PCDH15: variants seen among roughly 807,000 people sequenced by gnomAD.
PCDH15 encodes the protein protocadherin related 15, also known as protocadherin-15.
A neutral mutation model predicts 178.5 loss-of-function variants in PCDH15; 129 were observed. The ratio of observed to expected loss-of-function variants is 0.72; its 90% CI spans 0.63 to 0.84. PCDH15 has a LOEUF of 0.84. Among genes scored for constraint, PCDH15 ranks in the 40% least tolerant of loss-of-function variants. The pLI is 0.00. For missense variants in PCDH15, 2,230 were observed against 2,099.9 expected (o/e 1.06, Z -1.21); for synonymous variants, 800 against 732.0 (o/e 1.09, Z -1.50).
intron 37 of PCDH15, chr10:53,809,299 A>G: frequency 6.2e-7 from 1 of 1,613,842 alleles, no homozygotes. Flanking sequence ...GTCCAGAGTG[A>G]GTTTCAAATA....
intron 2 of PCDH15, among the ~76,000 whole-genome samples, chr10:55,140,865 T>C (rs1838334636): frequency 2.0e-5 from 3 of 151,996 alleles, no homozygotes; most frequent in African/African-American, 4.8e-5. Flanking sequence ...GGTTGTCCTA[T>C]TGACATGTGC....
At chr10:53,954,000 C>T (rs943743123) in intron 23 of PCDH15, among the ~76,000 whole-genome samples, 2 of 152,120 alleles carry the variant, frequency 1.3e-5, no homozygotes, top group Non-Finnish European at 2.9e-5. Flanking sequence ...CCGTGTTAGC[C>T]AGGATGGTCT....
intron 15 of PCDH15, among the ~76,000 whole-genome samples, chr10:54,128,558 T>C (rs1432488735): frequency 6.6e-6 from 1 of 152,228 alleles, no homozygotes; most frequent in Non-Finnish European, 1.5e-5. Flanking sequence ...TTTTCTTCTC[T>C]CAATCCTTGC....
At chr10:54,162,229 T>G (rs775705701) in intron 13 of PCDH15, among the ~76,000 whole-genome samples, 1 of 152,152 alleles carries the variant, frequency 6.6e-6, no homozygotes, top group Non-Finnish European at 1.5e-5. Flanking sequence ...TAGATCTTGA[T>G]TATTTGTTTC....
chr10:55,176,304 A>T (rs931882877), intron 1 of PCDH15, among the ~76,000 whole-genome samples: 1 of 151,974 alleles, frequency 6.6e-6, no homozygotes, highest in African/African-American at 2.4e-5. Flanking sequence ...ATGCCTGAAA[A>T]CTTAACTCCT....
At chr10:54,900,119 A>C (rs11004626) in intron 2 of PCDH15, among the ~76,000 whole-genome samples, 17,065 of 152,190 alleles carry the variant, frequency 0.11, 1,318 homozygotes, top group East Asian at 0.23. Context: ...AGGCATGTTC[A>C]AACTTATTGA....
In PCDH15 at chr10:55,181,049, G is replaced by T. The variant is rs1031641540; in HGVS notation, c.-155-14398C>A. On this transcript the variant is annotated intron_variant, in intron 1 of 5. Transcript: ENST00000458638. ...GGAATTGGGACTTACTTTAGATAGT[G>T]TGGAAAAGAAGAGTAGTTCTGGCAA... Among the ~76,000 whole-genome samples the T allele has an allele frequency of 2.0e-5, 3 of 152,184 alleles. No individual in the cohort carries two copies. In the East Asian group the frequency reaches 5.8e-4, roughly 29 times the overall value.
At chr10:53,954,464 G>A (rs987712040) in intron 23 of PCDH15, among the ~76,000 whole-genome samples, 4 of 152,126 alleles carry the variant, frequency 2.6e-5, no homozygotes, top group African/African-American at 4.8e-5. Flanking sequence ...ACTGAAAAAC[G>A]TATGCCAAAT....
At chr10:54,889,130 G>C (rs1234510584) in intron 3 of PCDH15, among the ~76,000 whole-genome samples, 2 of 151,826 alleles carry the variant, frequency 1.3e-5, no homozygotes, top group African/African-American at 4.8e-5. Flanking sequence ...CAAAATTTAA[G>C]AACCTCCTAT....
chr10:54,394,921 C>G (rs570010167), intron 3 of PCDH15, among the ~76,000 whole-genome samples: 1 of 152,154 alleles, frequency 6.6e-6, no homozygotes, highest in African/African-American at 2.4e-5. Flanking sequence ...AGAAATATGG[C>G]TCTGTTCTGC....
chr10:54,927,449 T>A (rs1194679095), intron 2 of PCDH15, among the ~76,000 whole-genome samples: 5 of 152,118 alleles, frequency 3.3e-5, no homozygotes. Flanking sequence ...TTCTATCAGA[T>A]TCATTTGATC....
intron 2 of PCDH15, among the ~76,000 whole-genome samples, chr10:55,069,277 TAAC>T (rs1196551276): frequency 3.4e-5 from 4 of 119,240 alleles, no homozygotes; most frequent in Admixed American, 8.6e-5. Context: ...ATGTTTAAAA[TAAC>T]AATTTTTTTT....
At chr10:54,418,398 C>T (rs12263865) in intron 3 of PCDH15, among the ~76,000 whole-genome samples, 9,895 of 151,724 alleles carry the variant, frequency 0.065, 392 homozygotes, top group Admixed American at 0.12. Context: ...CAAAGATTTG[C>T]CAGTATTCAA....
At chr10:54,583,096 T>C (rs1216248537) in intron 2 of PCDH15, among the ~76,000 whole-genome samples, 2 of 152,084 alleles carry the variant, frequency 1.3e-5, no homozygotes, top group Non-Finnish European at 2.9e-5. Flanking sequence ...TATCCTGAAT[T>C]TTGCGTTATT....
intron 25 of PCDH15, among the ~76,000 whole-genome samples, chr10:53,937,009 G>A (rs1467692450): frequency 6.6e-6 from 1 of 151,430 alleles, no homozygotes; most frequent in Non-Finnish European, 1.5e-5. Flanking sequence ...ATCATAAAAG[G>A]TTAATAACAA....
intron 8 of PCDH15, among the ~76,000 whole-genome samples, chr10:54,297,267 T>G (rs1338437856): frequency 6.6e-6 from 1 of 152,092 alleles, no homozygotes; most frequent in Admixed American, 6.6e-5. Flanking sequence ...TCCTAAGCCA[T>G]TGGGACCAAT....
intron 5 of PCDH15, among the ~76,000 whole-genome samples, chr10:54,365,217 T>C (rs58270263): frequency 0.018 from 2,669 of 152,230 alleles, 74 homozygotes; most frequent in African/African-American, 0.056. Context: ...TCAAATTATA[T>C]GACCTCCCAA....
intron 3 of PCDH15, among the ~76,000 whole-genome samples, chr10:54,424,973 C>T (rs1372427554): frequency 6.9e-6 from 1 of 144,626 alleles, no homozygotes; most frequent in African/African-American, 2.6e-5. Flanking sequence ...CAAACCGGCA[C>T]GTTGTGCACA....
chr10:53,859,138 C>T (rs147344436), intron 27 of PCDH15, among the ~76,000 whole-genome samples: 101 of 152,138 alleles, frequency 6.6e-4, no homozygotes, highest in African/African-American at 2.1e-3. Flanking sequence ...GTTATCCCAA[C>T]GAGAAGTATA....
Sources: allele counts gnomAD v4.1 joint callset (sites outside exome capture counted in the v4.1 genomes callset), GRCh38; gene constraint gnomAD v4.1.1; transcripts MANE v1.5; gene names NCBI Gene and HGNC (gene_info 2026-07-23, HGNC 2026-07-21).